Variants in PCSK5 observed in about 807,000 individuals in gnomAD.
PCSK5 encodes prohormone convertase 5.
A neutral mutation model predicts 233.2 loss-of-function variants in PCSK5; 129 were observed. The ratio of observed to expected loss-of-function variants is 0.55; its 90% confidence interval spans 0.48 to 0.64. The LOEUF (loss-of-function observed/expected upper bound fraction) is 0.64, where lower values mean the gene tolerates loss of function less well. Ranked by LOEUF, PCSK5 falls within the 30% of genes least tolerant of loss-of-function variation. The pLI is 0.00. For missense variants in PCSK5, 2,076 were observed against 2,430.1 expected, an observed-to-expected ratio of 0.85 and a Z score of 3.06; for synonymous variants, 825 against 879.2, an observed-to-expected ratio of 0.94 and a Z score of 1.09.
chr9:75,896,831 C>T (rs1486837514), intron 1 of PCSK5, among the ~76,000 whole-genome samples: 1 of 152,062 alleles, frequency 6.6e-6, no homozygotes, highest in Admixed American at 6.6e-5. Flanking sequence ...AAAGTTTGCA[C>T]ATAGTTTAGA....
intron 20 of PCSK5, among the ~76,000 whole-genome samples, chr9:76,215,664 G>A (rs902334595): frequency 1.2e-4 from 18 of 152,260 alleles, no homozygotes; most frequent in African/African-American, 4.3e-4. Flanking sequence ...GCTCATGCCT[G>A]TAATCCCAGC....
intron 10 of PCSK5, among the ~76,000 whole-genome samples, chr9:76,155,942 G>A (rs7048201): frequency 0.014 from 2,188 of 152,236 alleles, 55 homozygotes; most frequent in African/African-American, 0.049. Context: ...TCTCTAAGAG[G>A]GGCCTTCCTA....
chr9:75,923,459 A>AG (rs1403942608), intron 1 of PCSK5, among the ~76,000 whole-genome samples: 2 of 152,140 alleles, frequency 1.3e-5, no homozygotes, highest in African/African-American at 4.8e-5. Flanking sequence ...ATCATGTGAA[A>AG]AAAAGTGCTT....
intron 7 of PCSK5, among the ~76,000 whole-genome samples, chr9:76,086,348 C>T (rs544483309): frequency 3.4e-4 from 52 of 152,272 alleles, no homozygotes; most frequent in Non-Finnish European, 6.5e-4. Flanking sequence ...GAAACCTAGT[C>T]TGCCTGCCCC....
intron 24 of PCSK5, among the ~76,000 whole-genome samples, chr9:76,258,816 G>A (rs1321323646): frequency 6.6e-6 from 1 of 152,206 alleles, no homozygotes; most frequent in African/African-American, 2.4e-5. Flanking sequence ...TTCCTTGAGA[G>A]TGAGTACGGT....
chr9:76,114,339 G>A (rs1384861724), intron 9 of PCSK5, among the ~76,000 whole-genome samples: 5 of 152,128 alleles, frequency 3.3e-5, no homozygotes, highest in Admixed American at 6.6e-5. Flanking sequence ...CCTTCTGCCA[G>A]GACTGTGCAT....
chr9:76,320,161 C>T (rs1326320203), intron 30 of PCSK5, among the ~76,000 whole-genome samples: 1 of 152,076 alleles, frequency 6.6e-6, no homozygotes. Context: ...TAATTTATTA[C>T]AATCTCTCGT....
intron 2 of PCSK5, among the ~76,000 whole-genome samples, chr9:75,955,314 G>A (rs1435522027): frequency 6.6e-6 from 1 of 152,140 alleles, no homozygotes; most frequent in East Asian, 1.9e-4. Context: ...AATGAAGAAA[G>A]ATGAGCATTA....
intron 5 of PCSK5, among the ~76,000 whole-genome samples, chr9:76,057,284 A>G (rs1829855764): frequency 6.6e-6 from 1 of 152,192 alleles, no homozygotes; most frequent in Non-Finnish European, 1.5e-5. Flanking sequence ...CATACACTTG[A>G]ACTTCAAACA....
At chr9:76,182,528 G>GT (rs3077111) in intron 16 of PCSK5, among the ~76,000 whole-genome samples, 13,862 of 147,622 alleles carry the variant, frequency 0.094, 807 homozygotes, top group African/African-American at 0.15. Flanking sequence ...TTGGGGGAGT[G>GT]TTTTTTTTTT....
At chr9:76,018,089 A>T (rs985830809) in intron 3 of PCSK5, among the ~76,000 whole-genome samples, 2 of 151,594 alleles carry the variant, frequency 1.3e-5, no homozygotes, top group Admixed American at 1.3e-4. Flanking sequence ...GTTCCCAAGT[A>T]CTGAGAAGCA....
intron 2 of PCSK5, among the ~76,000 whole-genome samples, chr9:75,970,280 G>C (rs1351645442): frequency 6.6e-6 from 1 of 152,158 alleles, no homozygotes. Flanking sequence ...GGTAACTAAG[G>C]CTTTTGGTTA....
chr9:76,282,145 T>C (rs4527949), intron 24 of PCSK5, among the ~76,000 whole-genome samples: 8,930 of 94,864 alleles, frequency 0.094, 90 homozygotes, highest in East Asian at 0.19. Context: ...TTTTTTTTTT[T>C]TTCGCTCTGT....
chr9:75,948,014 T>C (rs940612466), intron 2 of PCSK5, among the ~76,000 whole-genome samples: 3 of 151,990 alleles, frequency 2.0e-5, no homozygotes, highest in Non-Finnish European at 4.4e-5. Flanking sequence ...CTTAATTTTT[T>C]TTTTAAATTT....
At chr9:76,275,544 C>G (rs942033702) in intron 24 of PCSK5, among the ~76,000 whole-genome samples, 7 of 152,176 alleles carry the variant, frequency 4.6e-5, no homozygotes, top group African/African-American at 1.7e-4. Flanking sequence ...CCTGCCTCAG[C>G]CTCCTAAGTA....
intron 2 of PCSK5, among the ~76,000 whole-genome samples, chr9:75,935,675 T>G (rs1587385874): frequency 6.6e-6 from 1 of 152,182 alleles, no homozygotes; most frequent in African/African-American, 2.4e-5. Context: ...AGCTTTCTTT[T>G]TTTTTCTTTC....
chr9:76,242,487 T>C (rs966020735), intron 24 of PCSK5, among the ~76,000 whole-genome samples: 4 of 152,108 alleles, frequency 2.6e-5, no homozygotes, highest in Non-Finnish European at 4.4e-5. Flanking sequence ...AAGAAGAAGA[T>C]AAAATTTAGA....
intron 22 of PCSK5, among the ~76,000 whole-genome samples, chr9:76,236,065 C>T (rs995603572): frequency 2.6e-5 from 4 of 152,184 alleles, no homozygotes; most frequent in South Asian, 4.1e-4. Context: ...AAGTGTACAT[C>T]TCCAGCTATA....
intron 2 of PCSK5, among the ~76,000 whole-genome samples, chr9:75,965,432 G>T (rs1313221701): frequency 1.3e-5 from 2 of 152,160 alleles, no homozygotes. Flanking sequence ...GAGTCCAAAG[G>T]TCTGAGAACC....
Sources: gnomAD v4.1 joint callset for allele counts (sites outside exome capture counted in the v4.1 genomes callset) on GRCh38, gnomAD v4.1.1 for gene constraint, MANE v1.5 for transcripts, NCBI Gene and HGNC (gene_info 2026-07-23, HGNC 2026-07-21) for gene names.